SPAG17: variants seen among roughly 807,000 people sequenced by gnomAD.
SPAG17 encodes the protein sperm-associated antigen 17.
Under a neutral mutation model 273.6 loss-of-function variants are expected in SPAG17, and 169 were observed. The observed-to-expected ratio is 0.62, with a 90% confidence interval of 0.55 to 0.70. The LOEUF is 0.70. Ranked by LOEUF, SPAG17 falls within the 30% of genes least tolerant of loss-of-function variation. The pLI is 0.00. For synonymous variants in SPAG17, 825 were observed against 873.2 expected (o/e 0.94, Z 0.97); for missense variants, 2,557 against 2,627.8 (o/e 0.97, Z 0.59).
chr1:118,101,105 A>C (rs902187674), intron 5 of SPAG17, among the ~76,000 whole-genome samples: 1 of 152,230 alleles, frequency 6.6e-6, no homozygotes, highest in African/African-American at 2.4e-5. Context: ...CTAGCAAGAC[A>C]CATGCTTAAT....
intron 24 of SPAG17, among the ~76,000 whole-genome samples, chr1:118,033,457 G>A (rs1369336736): frequency 6.6e-6 from 1 of 152,130 alleles, no homozygotes; most frequent in South Asian, 2.1e-4. Context: ...CCCAAATTAT[G>A]CCTCTTCTAT....
Position 118,016,047 on chromosome 1 carries a change from C to T in SPAG17, c.4205G>A (p.Arg1402Gln), listed in dbSNP as rs202001478. The change falls in exon 29 of 49, where the codon CGG becomes CAG. Residue 1402 changes from arginine to glutamine, a missense_variant. Coordinates refer to ENST00000336338, the MANE Select transcript of SPAG17 (RefSeq NM_206996.4). The part of the protein sequence containing the change: ...TWFTTTPEGN[R>Q]IGTKGLERIA... The stretch of plus-strand genomic sequence containing the variant: ...TCTTTCTAATCCTTTGGTGCCGATC[C>T]GATTTCCTTCAGGTGTGGTTGTAAA... The T allele has an allele frequency of 1.1e-5, 18 of 1,613,868 alleles. No homozygotes were observed. The highest frequency in any genetic ancestry group is 7.7e-5 in the South Asian group (7 of 91,090).
chr1:118,015,905 G>A, intron 29 of SPAG17, 60 bp downstream of exon 29: 1 of 1,431,568 alleles, frequency 7.0e-7, no homozygotes, highest in African/African-American at 1.4e-5. Context: ...ACTCTTTTGG[G>A]TGTTGTTTCA....
intron 3 of SPAG17, among the ~76,000 whole-genome samples, chr1:118,131,892 T>C (rs1468603800): frequency 6.6e-6 from 1 of 152,234 alleles, no homozygotes; most frequent in Non-Finnish European, 1.5e-5. Context: ...TTCTTGGTTA[T>C]GGATTAACTT....
At chr1:118,111,739 C>G (rs998690868) in intron 4 of SPAG17, among the ~76,000 whole-genome samples, 3 of 152,186 alleles carry the variant, frequency 2.0e-5, no homozygotes, top group Non-Finnish European at 2.9e-5. Context: ...GATGTATTAT[C>G]AAACGTAGGC....
Position 118,101,842 on chromosome 1 carries a change from C to T in SPAG17, c.532G>A (p.Ala178Thr), listed in dbSNP as rs1021539426. The change falls in exon 5 of 49, where the codon GCC (alanine) becomes ACC (threonine). Residue 178 changes from alanine to threonine, a missense_variant. Ala to Thr is a moderately conservative substitution (Grantham distance 58, BLOSUM62 0). Coordinates refer to ENST00000336338, the MANE Select transcript of SPAG17 (RefSeq NM_206996.4). The stretch of plus-strand genomic sequence containing the variant: ...GGCTGATCCTTTCCCTTTCCTTTGG[C>T]AGGCTTGGCACTTGGAGCCTTTTTC... ...KEKKAPSAKP[A>T]KGKGKDQPEA... The T allele has an allele frequency of 6.2e-6, 10 of 1,613,884 alleles. No homozygotes were observed. In the East Asian group the frequency reaches 1.6e-4, roughly 25 times the overall value.
intron 35 of SPAG17, among the ~76,000 whole-genome samples, chr1:117,993,136 C>G (rs941723559): frequency 2.0e-5 from 3 of 152,136 alleles, no homozygotes; most frequent in African/African-American, 7.2e-5. Context: ...GTCTGAGGAT[C>G]CCTGGGGCAG....
At chr1:118,017,493 C>T (rs1228331878) in intron 28 of SPAG17, among the ~76,000 whole-genome samples, 1 of 151,964 alleles carries the variant, frequency 6.6e-6, no homozygotes, top group Admixed American at 6.6e-5. Context: ...GGCACTGATT[C>T]AATTGAGGGG....
At chr1:118,027,896 C>T (rs1263584884) in intron 26 of SPAG17, among the ~76,000 whole-genome samples, 2 of 152,182 alleles carry the variant, frequency 1.3e-5, no homozygotes, top group Admixed American at 1.3e-4. Flanking sequence ...CCATGACCCT[C>T]TGTAGAGGCA....
At chr1:118,019,257 C>A in intron 28 of SPAG17, among the ~76,000 whole-genome samples, 1 of 150,978 alleles carries the variant, frequency 6.6e-6, no homozygotes, top group South Asian at 2.1e-4. Flanking sequence ...TATGTGATTC[C>A]AGAAATAAAA....
intron 27 of SPAG17, among the ~76,000 whole-genome samples, chr1:118,024,500 C>T (rs2802665): frequency 0.013 from 1,937 of 151,862 alleles, 47 homozygotes; most frequent in African/African-American, 0.044. Context: ...GAATTATGTA[C>T]TTTACTTTTA....
At chr1:118,040,337 T>TAGA (rs1392457935) in intron 22 of SPAG17, among the ~76,000 whole-genome samples, 3 of 152,174 alleles carry the variant, frequency 2.0e-5, no homozygotes, top group Non-Finnish European at 2.9e-5. Flanking sequence ...TCCCAAACTC[T>TAGA]GTGCTCCAGA....
chr1:118,132,384 T>A (rs942154456), intron 3 of SPAG17, among the ~76,000 whole-genome samples: 3 of 152,172 alleles, frequency 2.0e-5, no homozygotes, highest in African/African-American at 7.2e-5. Flanking sequence ...GGTGCCGGGT[T>A]GGGCTGGGGG....
intron 3 of SPAG17, among the ~76,000 whole-genome samples, chr1:118,133,606 CCCTCAGACTT>C (rs1021349567): frequency 1.3e-5 from 2 of 152,066 alleles, no homozygotes; most frequent in African/African-American, 4.8e-5. Context: ...TGCATCAACC[CCCTCAGACTT>C]CCTCATCTGG....
intron 23 of SPAG17, among the ~76,000 whole-genome samples, chr1:118,037,217 C>T (rs748693183): frequency 1.3e-5 from 2 of 152,194 alleles, no homozygotes; most frequent in Admixed American, 6.5e-5. Context: ...AGTTTCCCCA[C>T]ATTTTAAAAC....
chr1:117,994,574 T>C, intron 34 of SPAG17, 44 bp from the exon 35 acceptor site: 1 of 1,563,908 alleles, frequency 6.4e-7, no homozygotes, highest in Non-Finnish European at 8.6e-7. Context: ...CCATTGAAAG[T>C]ACTCAGAGAA....
intron 3 of SPAG17, among the ~76,000 whole-genome samples, chr1:118,126,043 G>GTTTTT (rs33966143): frequency 7.3e-6 from 1 of 136,746 alleles, no homozygotes; most frequent in East Asian, 2.1e-4. Flanking sequence ...GTTATTTTCT[G>GTTTTT]TTTTTTTTTT....
At chr1:118,089,354 T>TGTGTGTGTGTGTGTGTGTGTGA (rs1207965049) in intron 10 of SPAG17, among the ~76,000 whole-genome samples, 61 of 150,736 alleles carry the variant, frequency 4.0e-4, no homozygotes, top group African/African-American at 1.4e-3. Flanking sequence ...TGTGTGTGTG[T>TGTGTGTGTGTGTGTGTGTGTGA]GGTGGCAGGT....
chr1:118,184,106 TA>T (rs1241451069), intron 1 of SPAG17, among the ~76,000 whole-genome samples: 5 of 151,816 alleles, frequency 3.3e-5, no homozygotes, highest in African/African-American at 1.2e-4. Flanking sequence ...TAGTGGAAAA[TA>T]AAGACAGGTA....
Sources: allele counts gnomAD v4.1 joint callset (sites outside exome capture counted in the v4.1 genomes callset), GRCh38; gene constraint gnomAD v4.1.1; transcripts MANE v1.5; gene names NCBI Gene and HGNC (gene_info 2026-07-23, HGNC 2026-07-21).